Variants in SPAG16 observed in about 807,000 individuals in gnomAD.
SPAG16 encodes the protein sperm associated antigen 16.
SPAG16 carries 86 observed loss-of-function variants against 80.4 expected under a neutral mutation model. The observed-to-expected ratio is 1.07, with a 90% confidence interval of 0.90 to 1.28. SPAG16 has a LOEUF of 1.28. SPAG16 is among the 50% of genes most tolerant of loss of function. The probability of loss-of-function intolerance (pLI) is 0.00; values close to 1 mark genes in which losing one functional copy is unlikely to be tolerated. For missense variants in SPAG16, 870 were observed against 765.3 expected (o/e 1.14, Z -1.61); for synonymous variants, 294 against 265.9 (o/e 1.11, Z -1.03).
chr2:213,445,709 A>T (rs1321147350), intron 9 of SPAG16, among the ~76,000 whole-genome samples: 2 of 152,186 alleles, frequency 1.3e-5, no homozygotes, highest in African/African-American at 2.4e-5. Context: ...GCTCAACATC[A>T]CTAATCATCA....
At chr2:213,977,134 C>G (rs984063783) in intron 12 of SPAG16, among the ~76,000 whole-genome samples, 2 of 151,916 alleles carry the variant, frequency 1.3e-5, no homozygotes, top group Non-Finnish European at 2.9e-5. Context: ...GGGAACCATA[C>G]AAAGATGTGA....
chr2:214,188,328 T>C (rs893011421), intron 15 of SPAG16, among the ~76,000 whole-genome samples: 2 of 152,174 alleles, frequency 1.3e-5, no homozygotes, highest in African/African-American at 4.8e-5. Flanking sequence ...TGTATATACA[T>C]TCCACACATT....
At chr2:213,932,404 C>G (rs992855870) in intron 12 of SPAG16, among the ~76,000 whole-genome samples, 1 of 151,476 alleles carries the variant, frequency 6.6e-6, no homozygotes, top group Non-Finnish European at 1.5e-5. Flanking sequence ...TTAGTAGAGA[C>G]GGGGTTTCAC....
At chr2:213,467,478 C>T (rs1410883376) in intron 9 of SPAG16, among the ~76,000 whole-genome samples, 2 of 152,122 alleles carry the variant, frequency 1.3e-5, no homozygotes, top group Non-Finnish European at 2.9e-5. Context: ...AAGAGGTTTC[C>T]CCAACTGCAA....
At chr2:213,791,429 A>G (rs1352619583) in intron 10 of SPAG16, among the ~76,000 whole-genome samples, 1 of 152,122 alleles carries the variant, frequency 6.6e-6, no homozygotes, top group African/African-American at 2.4e-5. Flanking sequence ...AGTTTTAAGG[A>G]ATAAAATGGT....
rs59820424 is a variant in SPAG16, at chr2:213,767,248, T to C, written c.1071-95237T>C. On this transcript the variant is annotated intron_variant, in intron 10 of 15. Transcript: ENST00000331683. ...TATGTTCTATTATCCAAGTATTAAT[T>C]TTCTATCATATAATTATCACTGAAT... 2.6e-5 allele frequency among the ~76,000 whole-genome samples: 4 copies of C among 152,346 alleles called. No individual in the cohort carries two copies. The East Asian group carries it at 7.7e-4, about 29-fold the overall frequency.
intron 9 of SPAG16, chr2:213,422,651 C>A: frequency 3.8e-6 from 1 of 261,516 alleles, no homozygotes; most frequent in South Asian, 8.5e-5. Flanking sequence ...GTTCCTTCCC[C>A]TTACTCTCCT....
chr2:213,820,133 A>G (rs867300388), intron 10 of SPAG16, among the ~76,000 whole-genome samples: 31 of 151,840 alleles, frequency 2.0e-4, no homozygotes, highest in Middle Eastern at 3.4e-3. Flanking sequence ...GAAGTGCAGT[A>G]GCTTGATTAC....
At chr2:214,200,767 C>G (rs1317316125) in intron 15 of SPAG16, among the ~76,000 whole-genome samples, 1 of 152,050 alleles carries the variant, frequency 6.6e-6, no homozygotes, top group East Asian at 1.9e-4. Context: ...TTTGAGAAAA[C>G]AATTAATTTT....
At chr2:214,037,864 G>GGTATGTGTGTGTGTGTGTGTGTGT (rs374110237) in intron 13 of SPAG16, among the ~76,000 whole-genome samples, 1 of 133,630 alleles carries the variant, frequency 7.5e-6, no homozygotes, top group African/African-American at 3.0e-5. Flanking sequence ...CCAGAAGCCT[G>GGTATGTGTGTGTGTGTGTGTGTGT]GTGTGTGTGT....
At chr2:214,250,743 T>TAG (rs1471790981) in intron 15 of SPAG16, among the ~76,000 whole-genome samples, 1 of 80,520 alleles carries the variant, frequency 1.2e-5, no homozygotes, top group African/African-American at 3.6e-5. Context: ...GATATATATA[T>TAG]ATATATATAT....
rs568159512 is a variant in SPAG16, at chr2:213,603,134, A to G, written c.1070+113044A>G. Among the ~76,000 whole-genome samples the G allele has an allele frequency of 2.0e-5, 3 of 152,374 alleles. No individual in the cohort carries two copies. The East Asian group carries it at 5.8e-4, about 29-fold the overall frequency. On this transcript the variant is annotated intron_variant, in intron 10 of 15. Coordinates refer to ENST00000331683, the MANE Select transcript of SPAG16 (RefSeq NM_024532.5). ...TTTTCATGTTGTAACTAGACTGAAGAGGCAGAGGCAGCCTCTATCTTAGAA... is the reference window on the plus strand; with the variant it reads ...TTTTCATGTTGTAACTAGACTGAAGGGGCAGAGGCAGCCTCTATCTTAGAA...
intron 13 of SPAG16, among the ~76,000 whole-genome samples, chr2:214,019,334 G>A (rs1409122992): frequency 6.6e-6 from 1 of 151,990 alleles, no homozygotes; most frequent in African/African-American, 2.4e-5. Flanking sequence ...GAATGAGAAT[G>A]AGATGAGTAA....
chr2:214,152,796 G>T (rs564066137), intron 15 of SPAG16, among the ~76,000 whole-genome samples: 1 of 152,292 alleles, frequency 6.6e-6, no homozygotes, highest in South Asian at 2.1e-4. Context: ...CACTGGACAG[G>T]GGGCCCTTCC....
At chr2:213,472,387 G>A (rs1174067343) in intron 9 of SPAG16, among the ~76,000 whole-genome samples, 2 of 152,044 alleles carry the variant, frequency 1.3e-5, no homozygotes, top group East Asian at 1.9e-4. Flanking sequence ...TTTGATAATC[G>A]ACGATCATTC....
At chr2:213,413,160 C>T (rs1575527003) in intron 9 of SPAG16, among the ~76,000 whole-genome samples, 1 of 152,158 alleles carries the variant, frequency 6.6e-6, no homozygotes. Flanking sequence ...AGGATAATTG[C>T]ATTACCATTC....
Position 213,797,049 on chromosome 2 carries a change from AT to A in SPAG16, c.1071-65434del, listed in dbSNP as rs1192233954. Among the ~76,000 whole-genome samples, 10 of 89,810 alleles carry A rather than the reference AT, an allele frequency of 1.1e-4. No homozygotes were observed. In the South Asian group the frequency reaches 2.6e-3, roughly 23 times the overall value. 58.9% of individuals were successfully genotyped at this position (89,810 alleles called of 152,430 possible). The stretch of plus-strand genomic sequence containing the variant: ...TTAAGTTTTTAACAAAAAAATTAAA[AT>A]TAAAAAAAAAAACATTAAAATAGAA... On this transcript the variant is annotated intron_variant, in intron 10 of 15. Coordinates refer to ENST00000331683, the MANE Select transcript of SPAG16 (RefSeq NM_024532.5).
intron 11 of SPAG16, among the ~76,000 whole-genome samples, chr2:213,871,987 A>G (rs1376357037): frequency 6.6e-6 from 1 of 152,138 alleles, no homozygotes; most frequent in Non-Finnish European, 1.5e-5. Flanking sequence ...AACAATGTCA[A>G]AAAATAGAAA....
At chr2:213,976,104 A>G (rs2045356743) in intron 12 of SPAG16, among the ~76,000 whole-genome samples, 1 of 124,800 alleles carries the variant, frequency 8.0e-6, no homozygotes. Context: ...TAAGACAGTG[A>G]GGGAGATATA....
Sources: allele counts gnomAD v4.1 joint callset (sites outside exome capture counted in the v4.1 genomes callset), GRCh38; gene constraint gnomAD v4.1.1; transcripts MANE v1.5; gene names NCBI Gene and HGNC (gene_info 2026-07-23, HGNC 2026-07-21).